The following CDH13 variants were observed in gnomAD, a reference collection of about 807,000 sequenced individuals.
CDH13 encodes cadherin 13, also known as cadherin-13.
CDH13 carries 24 observed loss-of-function variants against 63.8 expected under a neutral mutation model. The observed-to-expected ratio is 0.38, with a 90% CI of 0.27 to 0.53. The LOEUF is 0.53. Ranked by LOEUF, CDH13 falls within the 20% of genes least tolerant of loss-of-function variation. CDH13 has a pLI of 0.85. For synonymous variants in CDH13, 503 were observed against 355.3 expected (o/e 1.42, Z -4.67); for missense variants, 1,049 against 903.1 (o/e 1.16, Z -2.07).
At chr16:82,956,407 G>C (rs577530397) in intron 2 of CDH13, among the ~76,000 whole-genome samples, 7 of 151,978 alleles carry the variant, frequency 4.6e-5, no homozygotes, top group Admixed American at 2.6e-4. Flanking sequence ...TTCAAGCTCA[G>C]ATGTATCCTG....
chr16:82,662,587 G>A (rs1321839189), intron 1 of CDH13, among the ~76,000 whole-genome samples: 3 of 152,170 alleles, frequency 2.0e-5, no homozygotes, highest in Non-Finnish European at 4.4e-5. Context: ...CCACTATCAG[G>A]TCTTGCCCAG....
intron 1 of CDH13, among the ~76,000 whole-genome samples, chr16:82,830,741 C>G (rs1193139594): frequency 1.3e-5 from 2 of 152,164 alleles, no homozygotes; most frequent in Admixed American, 6.5e-5. Flanking sequence ...TAGACCAATA[C>G]CTTGTTTTAT....
intron 7 of CDH13, among the ~76,000 whole-genome samples, chr16:83,580,116 C>G (rs560137104): frequency 6.6e-6 from 1 of 152,148 alleles, no homozygotes; most frequent in East Asian, 1.9e-4. Flanking sequence ...CTCCAAGGGC[C>G]TATGGTGCTG....
intron 7 of CDH13, among the ~76,000 whole-genome samples, chr16:83,491,456 G>A (rs542006050): frequency 1.3e-5 from 2 of 152,044 alleles, no homozygotes; most frequent in Non-Finnish European, 2.9e-5. Flanking sequence ...TTTGATAAAT[G>A]TTTTATTTAG....
chr16:83,685,421 T>C (rs1238069711), intron 10 of CDH13, among the ~76,000 whole-genome samples: 1 of 152,100 alleles, frequency 6.6e-6, no homozygotes, highest in Admixed American at 6.5e-5. Context: ...ATCAAAATAA[T>C]AGATGATGTT....
chr16:83,188,848 T>G (rs1009303764), intron 4 of CDH13, among the ~76,000 whole-genome samples: 4 of 152,204 alleles, frequency 2.6e-5, no homozygotes, highest in African/African-American at 9.7e-5. Context: ...TCGCCTTGCC[T>G]TCTTTTCTTT....
chr16:83,769,367 C>G (rs1234649024), intron 11 of CDH13, among the ~76,000 whole-genome samples: 2 of 152,168 alleles, frequency 1.3e-5, no homozygotes, highest in Non-Finnish European at 2.9e-5. Context: ...GGATCTAGTG[C>G]TACTGTAACT....
intron 6 of CDH13, among the ~76,000 whole-genome samples, chr16:83,432,855 A>T (rs958662717): frequency 6.6e-6 from 1 of 152,244 alleles, no homozygotes; most frequent in Non-Finnish European, 1.5e-5. Context: ...CCACCACACC[A>T]TAAATGTGTA....
chr16:82,694,637 C>G (rs1027335326), intron 1 of CDH13, among the ~76,000 whole-genome samples: 4 of 152,182 alleles, frequency 2.6e-5, no homozygotes, highest in African/African-American at 9.7e-5. Context: ...TTCCCACTGC[C>G]ATGCTTCATG....
At chr16:83,553,722 A>T (rs1399369394) in intron 7 of CDH13, among the ~76,000 whole-genome samples, 1 of 152,088 alleles carries the variant, frequency 6.6e-6, no homozygotes, top group Admixed American at 6.5e-5. Context: ...ACACTTGGCT[A>T]ATTTTTGTAT....
chr16:82,802,015 G>A (rs1433696625), intron 1 of CDH13, among the ~76,000 whole-genome samples: 1 of 152,180 alleles, frequency 6.6e-6, no homozygotes, highest in African/African-American at 2.4e-5. Flanking sequence ...GGGCGGGTGG[G>A]GCTCAGTTCC....
intron 6 of CDH13, among the ~76,000 whole-genome samples, chr16:83,359,375 T>A (rs1168616728): frequency 2.0e-5 from 3 of 152,182 alleles, no homozygotes; most frequent in Non-Finnish European, 4.4e-5. Context: ...TTGAGCACCA[T>A]GACCAACAAA....
chr16:83,486,180 G>A (rs2073884704), intron 6 of CDH13, among the ~76,000 whole-genome samples: 1 of 151,668 alleles, frequency 6.6e-6, no homozygotes, highest in Non-Finnish European at 1.5e-5. Flanking sequence ...CACATCCACA[G>A]TGGAATGAAA....
intron 10 of CDH13, among the ~76,000 whole-genome samples, chr16:83,707,277 T>G (rs774682380): frequency 1.8e-4 from 27 of 152,222 alleles, no homozygotes; most frequent in Non-Finnish European, 7.3e-5. Context: ...CGTAACACTT[T>G]CGGTGAGTAG....
chr16:83,674,532 A>C (rs923728450), intron 9 of CDH13, among the ~76,000 whole-genome samples: 2 of 152,232 alleles, frequency 1.3e-5, no homozygotes, highest in Admixed American at 1.3e-4. Flanking sequence ...AGGAAAGCTG[A>C]GAAAGTCCAA....
chr16:82,799,244 C>T (rs764707530), intron 1 of CDH13, among the ~76,000 whole-genome samples: 2 of 152,166 alleles, frequency 1.3e-5, no homozygotes, highest in African/African-American at 2.4e-5. Flanking sequence ...TTTTGTTGTA[C>T]AGTTCAGTTC....
chr16:82,755,484 C>T (rs4783263), intron 1 of CDH13, among the ~76,000 whole-genome samples: 90,065 of 151,164 alleles, frequency 0.6, 27,265 homozygotes, highest in East Asian at 0.79. Flanking sequence ...TTCTTGTAAC[C>T]ATATTTTGTC....
chr16:83,511,632 A>T (rs916289607), intron 7 of CDH13, among the ~76,000 whole-genome samples: 13 of 152,354 alleles, frequency 8.5e-5, no homozygotes, highest in African/African-American at 3.1e-4. Context: ...TTGTCTCACT[A>T]AAAAGCAGTA....
At chr16:83,069,299 G>A (rs1314523684) in intron 3 of CDH13, among the ~76,000 whole-genome samples, 1 of 152,090 alleles carries the variant, frequency 6.6e-6, no homozygotes, top group African/African-American at 2.4e-5. Context: ...TGGAACTGTG[G>A]CACTCTTTAG....
Sources: allele counts gnomAD v4.1 joint callset (sites outside exome capture counted in the v4.1 genomes callset), GRCh38; gene constraint gnomAD v4.1.1; transcripts MANE v1.5; gene names NCBI Gene and HGNC (gene_info 2026-07-23, HGNC 2026-07-21).